The following SSBP3 variants were observed in gnomAD, a reference collection of about 807,000 sequenced individuals.
The protein encoded by SSBP3 is single-stranded DNA-binding protein 3.
A neutral mutation model predicts 69.6 loss-of-function variants in SSBP3; 5 were observed. The ratio of observed to expected loss-of-function variants is 0.07; its 90% CI spans 0.04 to 0.15. SSBP3 has a LOEUF of 0.15. Among genes scored for constraint, SSBP3 ranks in the 10% least tolerant of loss-of-function variants. SSBP3 has a pLI of 1.00. For synonymous variants in SSBP3, 196 were observed against 193.4 expected (o/e 1.01, Z -0.11); for missense variants, 312 against 534.0 (o/e 0.58, Z 4.10).
At chr1:54,330,888 C>A (rs945699920) in intron 4 of SSBP3, among the ~76,000 whole-genome samples, 1 of 152,192 alleles carries the variant, frequency 6.6e-6, no homozygotes, top group Non-Finnish European at 1.5e-5. Flanking sequence ...CAGATCACTG[C>A]TCCTGGTGCC....
At chr1:54,340,201 T>C (rs934375832) in intron 4 of SSBP3, among the ~76,000 whole-genome samples, 2 of 152,250 alleles carry the variant, frequency 1.3e-5, no homozygotes. Context: ...ATTTTATCTC[T>C]CTTGCCTCTG....
intron 4 of SSBP3, among the ~76,000 whole-genome samples, chr1:54,345,510 G>A (rs1235895122): frequency 6.6e-6 from 1 of 152,190 alleles, no homozygotes; most frequent in Non-Finnish European, 1.5e-5. Context: ...ACCTGAGCCA[G>A]CTGGCCTCAA....
intron 4 of SSBP3, among the ~76,000 whole-genome samples, chr1:54,359,298 G>A (rs1169836599): frequency 6.6e-6 from 1 of 150,586 alleles, no homozygotes; most frequent in African/African-American, 2.4e-5. Context: ...TAGCTGCTCT[G>A]TCTAAAACAG....
intron 4 of SSBP3, among the ~76,000 whole-genome samples, chr1:54,392,397 C>CA (rs1425742754): frequency 1.3e-5 from 2 of 152,154 alleles, no homozygotes; most frequent in African/African-American, 4.8e-5. Flanking sequence ...GTTGAGCCCC[C>CA]AAAAAAGGCA....
chr1:54,283,806 GGCCCCTGCCTT>G (rs1193427044), intron 4 of SSBP3, among the ~76,000 whole-genome samples: 3 of 152,184 alleles, frequency 2.0e-5, no homozygotes, highest in African/African-American at 7.2e-5. Flanking sequence ...TGAGGTCACA[GGCCCCTGCCTT>G]GCCCCTGCCC....
At chr1:54,396,396 G>A (rs12729323) in intron 4 of SSBP3, among the ~76,000 whole-genome samples, 2 of 152,102 alleles carry the variant, frequency 1.3e-5, no homozygotes, top group African/African-American at 4.8e-5. Context: ...TAAACCCTCA[G>A]ACACTATTAT....
chr1:54,400,236 C>T lies in SSBP3; in HGVS notation c.276+1625G>A, dbSNP rs59257755. On this transcript the variant is annotated intron_variant, in intron 4 of 17. Coordinates refer to ENST00000610401, the Ensembl canonical transcript of SSBP3. ...AAATCATTAACTTCTCTGAAAGGTA[C>T]AGGCAAAAAATAGCATAGATATGCT... Among the ~76,000 whole-genome samples the T allele has an allele frequency of 6.8e-4, 103 of 152,264 alleles. No individual in the cohort carries two copies. In the East Asian group the frequency reaches 0.018, roughly 27 times the overall value.
Position 54,331,192 on chromosome 1 carries a change from T to G in SSBP3, c.277-49665A>C, listed in dbSNP as rs147716871. On this transcript the variant is annotated intron_variant, in intron 4 of 17. Transcript: ENST00000610401. ...AAAGAAGCACAGGTATATGCCTGGC[T>G]GGAGAGACAAAGGCGCATTGTCTGG... is the stretch of plus-strand genomic sequence containing the variant. 8.8e-4 allele frequency among the ~76,000 whole-genome samples: 134 copies of G among 152,300 alleles called. 2 individuals are homozygous for G. In the East Asian group the frequency reaches 0.024, roughly 27 times the overall value.
intron 4 of SSBP3, among the ~76,000 whole-genome samples, chr1:54,352,842 G>C (rs976331681): frequency 2.0e-5 from 3 of 152,330 alleles, no homozygotes; most frequent in Middle Eastern, 3.4e-3. Flanking sequence ...CTCTAAAACA[G>C]GATGACTAAT....
At chr1:54,276,982 AC>A (rs1645300142) in intron 5 of SSBP3, among the ~76,000 whole-genome samples, 1 of 152,140 alleles carries the variant, frequency 6.6e-6, no homozygotes, top group African/African-American at 2.4e-5. Flanking sequence ...GGGATGGGTT[AC>A]CTGTCAGTCT....
chr1:54,408,555 C>T (rs1001114230), upstream of SSBP3, among the ~76,000 whole-genome samples: 3 of 152,180 alleles, frequency 2.0e-5, no homozygotes, highest in African/African-American at 4.8e-5. Context: ...CTTCTCCGGC[C>T]CTGCTATGAC....
intron 4 of SSBP3, among the ~76,000 whole-genome samples, chr1:54,338,726 C>T (rs557471221): frequency 5.9e-5 from 9 of 152,302 alleles, no homozygotes; most frequent in Non-Finnish European, 1.0e-4. Context: ...ACGTGAACAA[C>T]GTAAAAATAG....
At chr1:54,314,429 C>T (rs982814917) in intron 4 of SSBP3, among the ~76,000 whole-genome samples, 1 of 152,254 alleles carries the variant, frequency 6.6e-6, no homozygotes, top group African/African-American at 2.4e-5. Flanking sequence ...TTATATCACA[C>T]ATGTCACCAA....
intron 14 of SSBP3, chr1:54,238,789 C>CCAG (rs3831168): frequency 0.63 from 230,560 of 363,582 alleles, 74,632 homozygotes; most frequent in African/African-American, 0.74. Context: ...ATTGCCCGGG[C>CCAG]CACAGCCAGT....
At position 54,320,821 on chromosome 1, in the gene SSBP3, C is replaced by T. The variant is rs553330550; in HGVS notation, c.277-39294G>A. Among the ~76,000 whole-genome samples, 5 of 152,210 alleles carry T rather than the reference C, an allele frequency of 3.3e-5. No individual in the cohort carries two copies. The East Asian group carries it at 7.7e-4, about 23-fold the overall frequency. On this transcript the variant is annotated intron_variant, in intron 4 of 17. Transcript: ENST00000610401. Reference sequence around the variant, plus strand: ...CACACGGAAGCTTCTGGGGCTTTCTCGGAAACTGCAGCAACTAGAACAGTG... The same window carrying T: ...CACACGGAAGCTTCTGGGGCTTTCTTGGAAACTGCAGCAACTAGAACAGTG...
chr1:54,328,900 G>A (rs1247795400), intron 4 of SSBP3, among the ~76,000 whole-genome samples: 1 of 152,214 alleles, frequency 6.6e-6, no homozygotes, highest in Non-Finnish European at 1.5e-5. Context: ...CGGTGGAACG[G>A]GGAGCCAGTG....
At chr1:54,359,785 T>A (rs1646923586) in intron 4 of SSBP3, among the ~76,000 whole-genome samples, 1 of 152,060 alleles carries the variant, frequency 6.6e-6, no homozygotes, top group Admixed American at 6.5e-5. Context: ...AGGTGAGCAT[T>A]CATCATTTCA....
chr1:54,407,277 C>CA (rs1447954947), upstream of SSBP3, among the ~76,000 whole-genome samples: 1 of 152,132 alleles, frequency 6.6e-6, no homozygotes, highest in Non-Finnish European at 1.5e-5. Context: ...GAAAGGGTGC[C>CA]ACTCGGAGAT....
At chr1:54,331,046 G>A (rs1176479045) in intron 4 of SSBP3, among the ~76,000 whole-genome samples, 1 of 152,202 alleles carries the variant, frequency 6.6e-6, no homozygotes, top group African/African-American at 2.4e-5. Flanking sequence ...AAACACTTTA[G>A]TACACAGAAA....
Sources: allele counts gnomAD v4.1 joint callset (sites outside exome capture counted in the v4.1 genomes callset), GRCh38; gene constraint gnomAD v4.1.1; transcripts MANE v1.5; gene names NCBI Gene and HGNC (gene_info 2026-07-23, HGNC 2026-07-21).